DNAH11: variants seen among roughly 807,000 people sequenced by gnomAD.
DNAH11 encodes the protein dynein axonemal heavy chain 11, also known as axonemal beta dynein heavy chain 11.
In DNAH11, 442 loss-of-function variants were observed where a neutral mutation model predicts 526.0. The observed-to-expected ratio is 0.84, with a 90% confidence interval of 0.78 to 0.91. DNAH11 has a LOEUF of 0.91. DNAH11 is among the 40% of genes least tolerant of loss of function. The probability of loss-of-function intolerance (pLI) is 0.00; values close to 1 mark genes in which losing one functional copy is unlikely to be tolerated. For synonymous variants in DNAH11, 2,461 were observed against 1,935.9 expected (o/e 1.27, Z -7.12); for missense variants, 6,989 against 5,448.7 (o/e 1.28, Z -8.90).
intron 63 of DNAH11, among the ~76,000 whole-genome samples, chr7:21,815,673 C>G (rs1020045564): frequency 1.5e-4 from 23 of 152,124 alleles, no homozygotes; most frequent in Non-Finnish European, 2.6e-4. Flanking sequence ...ATTTTGGTGT[C>G]TCTAGACAGT....
At chr7:21,819,308 C>G (rs1789953518) in intron 65 of DNAH11, among the ~76,000 whole-genome samples, 1 of 152,128 alleles carries the variant, frequency 6.6e-6, no homozygotes. Context: ...AGGCCTACAT[C>G]AGGGTGACTA....
chr7:21,544,979 G>T (rs1306212083), intron 1 of DNAH11, 27 bp from the exon 2 acceptor site: 2 of 1,540,648 alleles, frequency 1.3e-6, no homozygotes, highest in South Asian at 2.5e-5. Flanking sequence ...AAAACTACTT[G>T]AACTAATTAT....
intron 20 of DNAH11, 148 bp downstream of exon 20, chr7:21,606,881 TAAGTA>T: frequency 1.4e-6 from 1 of 708,336 alleles, no homozygotes; most frequent in Non-Finnish European, 2.3e-6. Context: ...AATTTCCCCT[TAAGTA>T]AATTGTATTG....
chr7:21,841,600 G>C (rs1051974267), intron 65 of DNAH11, among the ~76,000 whole-genome samples: 2 of 152,084 alleles, frequency 1.3e-5, no homozygotes, highest in Non-Finnish European at 2.9e-5. Flanking sequence ...GTGTGAGTGA[G>C]TGAGTGTGGG....
intron 6 of DNAH11, 127 bp from the exon 7 acceptor site, chr7:21,569,942 T>C (rs964743295): frequency 5.6e-6 from 4 of 712,702 alleles, no homozygotes; most frequent in Non-Finnish European, 9.0e-6. Flanking sequence ...TGTGCTTTCT[T>C]TCTTTCAGCA....
At chr7:21,749,555 A>G in intron 52 of DNAH11, 123 bp from the exon 53 acceptor site, 1 of 1,296,452 alleles carries the variant, frequency 7.7e-7, no homozygotes. Flanking sequence ...TATGTAAACC[A>G]GGGAAAGGCA....
chr7:21,544,891 G>A, intron 1 of DNAH11, 115 bp from the exon 2 acceptor site: 1 of 814,326 alleles, frequency 1.2e-6, no homozygotes, highest in African/African-American at 1.8e-5. Context: ...TTATAGGGCA[G>A]GCAAGATGCC....
chr7:21,884,875 A>G (rs999315918), intron 76 of DNAH11, among the ~76,000 whole-genome samples: 2 of 152,136 alleles, frequency 1.3e-5, no homozygotes, highest in Non-Finnish European at 2.9e-5. Flanking sequence ...CCTGTCATGG[A>G]AGTCCTAGAA....
Position 21,698,120 on chromosome 7 carries a change from C to G in DNAH11, c.6087C>G (p.Ile2029Met), listed in dbSNP as rs1434998550. 2.5e-6 allele frequency: 4 copies of G among 1,613,330 alleles called. No homozygotes were observed. The African/African-American group carries it at 5.3e-5, about 22-fold the overall frequency. Reference protein sequence around the residue: ...VAPDIELICEILLVAEGFVDA... With the variant: ...VAPDIELICEMLLVAEGFVDA... ...CTGACATTGAGCTAATCTGTGAAAT[C>G]TTGTTAGTTGCTGAAGGTTTTGTGG... is the stretch of plus-strand genomic sequence containing the variant. Residue 2029 changes from isoleucine to methionine, a missense_variant, in exon 36 of 82, where the codon ATC (isoleucine) becomes ATG (methionine). Coordinates refer to ENST00000409508, the MANE Select transcript of DNAH11 (RefSeq NM_001277115.2).
At chr7:21,823,445 C>G (rs901706716) in intron 65 of DNAH11, among the ~76,000 whole-genome samples, 10 of 152,242 alleles carry the variant, frequency 6.6e-5, no homozygotes, top group Middle Eastern at 6.8e-3. Flanking sequence ...TTTTCACAGC[C>G]TAAATTCACT....
chr7:21,613,686 A>T (rs1785636212), intron 20 of DNAH11, among the ~76,000 whole-genome samples: 1 of 152,208 alleles, frequency 6.6e-6, no homozygotes, highest in African/African-American at 2.4e-5. Context: ...AAGTGTTCTC[A>T]CCACAAAAAG....
At chr7:21,656,034 C>T in intron 29 of DNAH11, 53 bp downstream of exon 29, 3 of 1,488,330 alleles carry the variant, frequency 2.0e-6, no homozygotes, top group Non-Finnish European at 2.7e-6. Context: ...TCAGCATGCT[C>T]TTAGAAGGTT....
intron 30 of DNAH11, among the ~76,000 whole-genome samples, chr7:21,669,657 T>TGTG (rs565367069): frequency 2.0e-5 from 3 of 149,806 alleles, no homozygotes; most frequent in African/African-American, 7.4e-5. Context: ...GTTTTTCTTT[T>TGTG]TGTGTGTGTG....
chr7:21,613,150 TA>T (rs1785602252), intron 20 of DNAH11, among the ~76,000 whole-genome samples: 1 of 152,002 alleles, frequency 6.6e-6, no homozygotes, highest in Non-Finnish European at 1.5e-5. Flanking sequence ...TACTATGCAG[TA>T]GGGGAAATGA....
At chr7:21,856,263 G>T (rs1457636829) in intron 68 of DNAH11, among the ~76,000 whole-genome samples, 1 of 152,198 alleles carries the variant, frequency 6.6e-6, no homozygotes, top group Non-Finnish European at 1.5e-5. Flanking sequence ...AAAAGACTCA[G>T]AGTTACGTGA....
chr7:21,801,367 A>C (rs1368921707), intron 62 of DNAH11, 92 bp downstream of exon 62: 47 of 1,498,500 alleles, frequency 3.1e-5, no homozygotes, highest in Non-Finnish European at 4.3e-5. Context: ...CTAAATAGAC[A>C]TGGAATTAAC....
At chr7:21,680,188 G>A (rs1042325476) in intron 30 of DNAH11, among the ~76,000 whole-genome samples, 11 of 152,156 alleles carry the variant, frequency 7.2e-5, no homozygotes, top group African/African-American at 1.9e-4. Context: ...CGCATTTTCC[G>A]GGGCATGATA....
In DNAH11 at chr7:21,591,225, A is replaced by C. The variant is rs1489275422; in HGVS notation, c.2315A>C (p.Lys772Thr). 1 of 1,575,972 alleles carries C rather than the reference A, an allele frequency of 6.3e-7. No homozygotes were observed. The highest frequency in any genetic ancestry group is 8.6e-7 in the Non-Finnish European group (1 of 1,162,526). The change falls in exon 14 of 82, where the codon AAA becomes ACA. Residue 772 changes from lysine to threonine, a missense_variant. By Grantham distance (78) the Lys-to-Thr change is moderately conservative. Coordinates refer to ENST00000409508, the MANE Select transcript of DNAH11 (RefSeq NM_001277115.2). ...NLDLLVQGYNKLKQTLLEVEY... is the reference protein window; with the variant it reads ...NLDLLVQGYNTLKQTLLEVEY... Reference sequence around the variant, plus strand: ...GACCTTCTTGTGCAAGGGTATAATAAACTCAAACAGACGCTCCTGGAAGTT... The same window carrying C: ...GACCTTCTTGTGCAAGGGTATAATACACTCAAACAGACGCTCCTGGAAGTT...
intron 30 of DNAH11, among the ~76,000 whole-genome samples, chr7:21,661,814 A>G (rs1346448734): frequency 2.0e-5 from 3 of 152,024 alleles, no homozygotes; most frequent in East Asian, 1.9e-4. Context: ...TAGTTAGTAT[A>G]TGGAAAATAC....
Sources: allele counts gnomAD v4.1 joint callset (sites outside exome capture counted in the v4.1 genomes callset), GRCh38; gene constraint gnomAD v4.1.1; transcripts MANE v1.5; gene names NCBI Gene and HGNC (gene_info 2026-07-23, HGNC 2026-07-21).